ARAP3: variants seen among roughly 807,000 people sequenced by gnomAD.
ARAP3 encodes ArfGAP with RhoGAP domain, ankyrin repeat and PH domain 3, also known as arf-GAP with Rho-GAP domain, ANK repeat and PH domain-containing protein 3.
In ARAP3, 82 loss-of-function variants were observed where a neutral mutation model predicts 169.2. The ratio of observed to expected loss-of-function variants is 0.48; its 90% CI spans 0.41 to 0.58. The LOEUF is 0.58. Among genes scored for constraint, ARAP3 ranks in the 20% least tolerant of loss-of-function variants. The probability of loss-of-function intolerance (pLI) is 0.00; values close to 1 mark genes in which losing one functional copy is unlikely to be tolerated. For synonymous variants in ARAP3, 791 were observed against 800.3 expected, an observed-to-expected ratio of 0.99 and a Z score of 0.20; for missense variants, 1,764 against 2,018.0, an observed-to-expected ratio of 0.87 and a Z score of 2.41.
chr5:141,655,225 TACAC>T (rs148481472), intron 32 of ARAP3, 133 bp downstream of exon 32: 21,362 of 486,864 alleles, frequency 0.044, 336 homozygotes, highest in East Asian at 0.058. Flanking sequence ...CCTGATGGCC[TACAC>T]ACACACACAC....
chr5:141,664,704 C>T (rs2099910409), intron 19 of ARAP3, among the ~76,000 whole-genome samples: 1 of 152,088 alleles, frequency 6.6e-6, no homozygotes, highest in African/African-American at 2.4e-5. Flanking sequence ...AAAATGAGGA[C>T]CGTTGGCCCC....
rs368372217 is a variant in ARAP3 at position 141,665,137 on chromosome 5, T to C, written c.2637-52A>G. ...GCCAGCTCCGACAGGCCCAGATGCA[T>C]GGGGACCAGACTTCCCAGAGCCACC... On this transcript the variant is annotated intron_variant, in intron 18 of 32. Coordinates refer to ENST00000239440, the MANE Select transcript of ARAP3 (RefSeq NM_022481.6). 48 of 1,578,832 alleles carry C rather than the reference T, an allele frequency of 3.0e-5. No homozygotes were observed. In the Admixed American group the frequency reaches 5.3e-4, roughly 17 times the overall value.
At chr5:141,669,560 G>T in intron 16 of ARAP3, 149 bp downstream of exon 16, 1 of 717,640 alleles carries the variant, frequency 1.4e-6, no homozygotes. Context: ...AGTGGGCAGT[G>T]CTTAACACAG....
chr5:141,669,490 GT>G (rs779777242), intron 16 of ARAP3, among the ~76,000 whole-genome samples: 6 of 152,150 alleles, frequency 3.9e-5, no homozygotes, highest in African/African-American at 7.2e-5. Context: ...CTAAAACTTA[GT>G]TTCCTTATAC....
In ARAP3 at chr5:141,672,515, G is replaced by C; in HGVS notation, c.1385+37C>G. 1 of 1,609,454 alleles carries C rather than the reference G, an allele frequency of 6.2e-7. No homozygotes were observed. Among genetic ancestry groups the C allele is most frequent in the East Asian group, 2.2e-5 (1 of 44,590 alleles). ...CTGCACCCTTGTGCCTCCCGCAAAA[G>C]TCCCCCAGCCTTGCCTCCCACTGGC... On this transcript the variant is annotated intron_variant, in intron 9 of 32. Transcript: ENST00000239440. The surrounding 1 kb of genome is among the most constrained non-coding windows in gnomAD (Gnocchi z 4.9).
intron 4 of ARAP3, among the ~76,000 whole-genome samples, chr5:141,674,261 C>A (rs6580197): frequency 0.038 from 5,712 of 152,010 alleles, 155 homozygotes; most frequent in South Asian, 0.092. Context: ...TCACGCCCAG[C>A]CTCTTTTGAG....
chr5:141,656,086 A>G lies in ARAP3; in HGVS notation c.3886T>C (p.Leu1296=), dbSNP rs374493401. The change falls in exon 29 of 33, where the codon TTG becomes CTG. Residue 1296 remains leucine (L), a synonymous_variant. Coordinates refer to ENST00000239440, the MANE Select transcript of ARAP3 (RefSeq NM_022481.6). The part of the protein sequence containing the change: ...LKPPTPWGFT[L]ILEKMHLYLS... Reference sequence around the variant, plus strand: ...CACAGGTGCATCTTCTCTAGTATCAATGTGAAGCCCCACCTGGGAGACAAA... The same window carrying G: ...CACAGGTGCATCTTCTCTAGTATCAGTGTGAAGCCCCACCTGGGAGACAAA... 6 of 1,614,070 alleles carry G rather than the reference A, an allele frequency of 3.7e-6. No homozygotes were observed. The African/African-American group carries it at 6.7e-5, about 18-fold the overall frequency.
intron 15 of ARAP3, 37 bp downstream of exon 15, chr5:141,669,885 A>AT: frequency 6.2e-7 from 1 of 1,609,354 alleles, no homozygotes; most frequent in Non-Finnish European, 8.5e-7. Context: ...TGGGAAGAGA[A>AT]AAGGGGGAAG....
intron 19 of ARAP3, among the ~76,000 whole-genome samples, chr5:141,663,075 T>C (rs2154598853): frequency 6.6e-6 from 1 of 152,334 alleles, no homozygotes; most frequent in Admixed American, 6.5e-5. Flanking sequence ...ATGTTTGCAG[T>C]GACTTAGAGC....
intron 16 of ARAP3, among the ~76,000 whole-genome samples, chr5:141,668,332 A>G (rs1450312408): frequency 1.6e-4 from 25 of 152,112 alleles, no homozygotes; most frequent in Admixed American, 1.6e-3. Context: ...GGCTCAAGCA[A>G]TCCTCCCGCC....
intron 1 of ARAP3, among the ~76,000 whole-genome samples, chr5:141,681,721 C>T (rs1306506760): frequency 6.6e-6 from 1 of 152,206 alleles, no homozygotes; most frequent in Admixed American, 6.5e-5. Context: ...TGTCTTCCGC[C>T]TCGGCCTAGG....
chr5:141,661,620 G>A (rs2099909987), intron 21 of ARAP3, 64 bp downstream of exon 21: 1 of 1,431,626 alleles, frequency 7.0e-7, no homozygotes, highest in Non-Finnish European at 9.8e-7. Context: ...ATGAATAAAT[G>A]AATGAAAGTG....
Position 141,679,674 on chromosome 5 carries a change from G to C in ARAP3, c.587-18C>G, listed in dbSNP as rs190633824. On this transcript the variant is annotated intron_variant, in intron 3 of 32. Coordinates refer to ENST00000239440, the MANE Select transcript of ARAP3 (RefSeq NM_022481.6). ...GATGTGCACTGGCAGGAGGAGAGGGGAACGCACAAGGAAGAGGAGATCGCT... is the reference window on the plus strand; with the variant it reads ...GATGTGCACTGGCAGGAGGAGAGGGCAACGCACAAGGAAGAGGAGATCGCT... 3.1e-6 allele frequency: 5 copies of C among 1,613,882 alleles called. No individual in the cohort carries two copies. Among genetic ancestry groups the C allele is most frequent in the Non-Finnish European group, 3.4e-6 (4 of 1,179,832 alleles).
chr5:141,669,711 T>C lies in ARAP3; in HGVS notation c.2350A>G (p.Lys784Glu). 6.2e-7 allele frequency: 1 copy of C among 1,613,962 alleles called. No homozygotes were observed. Among genetic ancestry groups the C allele is most frequent in the Non-Finnish European group, 8.5e-7 (1 of 1,179,888 alleles). The change falls in exon 16 of 33, where the codon AAG (lysine) becomes GAG (glutamate). Residue 784 changes from lysine to glutamate, a missense_variant and splice_region_variant. Coordinates refer to ENST00000239440, the MANE Select transcript of ARAP3 (RefSeq NM_022481.6). ...SLEAWTSAVG[K>E]WFSPLSCHQL... ...CAGAGGGCGCTCTCCTGTCTCACCTTGCCCACAGCACTAGTCCAGGCCTCC... is the reference window on the plus strand; with the variant it reads ...CAGAGGGCGCTCTCCTGTCTCACCTCGCCCACAGCACTAGTCCAGGCCTCC...
intron 19 of ARAP3, among the ~76,000 whole-genome samples, chr5:141,663,585 G>A (rs899775752): frequency 6.6e-6 from 1 of 152,168 alleles, no homozygotes; most frequent in African/African-American, 2.4e-5. Context: ...CACCACGCCC[G>A]GCCCCATATT....
At position 141,671,743 on chromosome 5, in the gene ARAP3, C is replaced by T; in HGVS notation, c.1681G>A (p.Val561Ile). 1 of 1,599,210 alleles carries T rather than the reference C, an allele frequency of 6.3e-7. No individual in the cohort carries two copies. The highest frequency in any genetic ancestry group is 8.5e-7 in the Non-Finnish European group (1 of 1,172,018). ...CGGTTGGCACGATCATTTCCCAGGA[C>T]AATGAATAACTGTGGGATGACAAGG... is the stretch of plus-strand genomic sequence containing the variant. ...WSNEIVQLFI[V>I]LGNDRANRFW... Residue 561 changes from valine (V) to isoleucine (I), a missense_variant, in exon 12 of 33, where the codon GTC becomes ATC. Physicochemically the swap from Val to Ile is conservative, Grantham distance 29. Around this residue, in one of 3 missense-constraint regions of ARAP3, gnomAD observed 1,112 missense variants for 1,285.7 expected, o/e 0.86. Coordinates refer to ENST00000239440, the MANE Select transcript of ARAP3 (RefSeq NM_022481.6). This position sits in a 1 kb window ranked among gnomAD's most constrained non-coding sequence, Gnocchi z 4.9.
chr5:141,673,340 G>T, intron 6 of ARAP3, 61 bp downstream of exon 6: 1 of 1,602,272 alleles, frequency 6.2e-7, no homozygotes, highest in Non-Finnish European at 8.5e-7. Flanking sequence ...TTCCAATTCT[G>T]AGCCCCTCTC....
At chr5:141,661,654 G>A in intron 21 of ARAP3, 30 bp downstream of exon 21, 1 of 1,579,054 alleles carries the variant, frequency 6.3e-7, no homozygotes, top group Non-Finnish European at 8.7e-7. Context: ...AAGTGAGGAA[G>A]GGTTCTGCAG....
chr5:141,666,854 C>A (rs111483492), intron 16 of ARAP3: 18 of 410,386 alleles, frequency 4.4e-5, no homozygotes, highest in African/African-American at 2.7e-4. Context: ...GAAAGAAATT[C>A]AATTCAATTC....
Sources: allele counts gnomAD v4.1 joint callset (sites outside exome capture counted in the v4.1 genomes callset), GRCh38; gene constraint gnomAD v4.1.1; regional missense constraint gnomAD v4.1.1; non-coding constraint Gnocchi (gnomAD v3.1); transcripts MANE v1.5; gene names NCBI Gene and HGNC (gene_info 2026-07-23, HGNC 2026-07-21).